ANKRD45: variants seen among roughly 807,000 people sequenced by gnomAD.
ANKRD45 encodes the protein ankyrin repeat domain-containing protein 45.
ANKRD45 carries 21 observed loss-of-function variants against 28.1 expected under a neutral mutation model. The observed-to-expected ratio is 0.75, with a 90% CI of 0.53 to 1.08. The LOEUF (loss-of-function observed/expected upper bound fraction) is 1.08, where lower values mean the gene tolerates loss of function less well. Ranked by LOEUF, ANKRD45 falls within the 50% of genes least tolerant of loss-of-function variation. The pLI is 0.00. For synonymous variants in ANKRD45, 86 were observed against 103.9 expected, an observed-to-expected ratio of 0.83 and a Z score of 1.05; for missense variants, 261 against 308.7, an observed-to-expected ratio of 0.85 and a Z score of 1.16.
chr1:173,611,174 C>T (rs1036548527), intron 5 of ANKRD45, among the ~76,000 whole-genome samples: 1 of 152,172 alleles, frequency 6.6e-6, no homozygotes, highest in Non-Finnish European at 1.5e-5. Context: ...CCCACATTTC[C>T]ACTTTTGATC....
the ANKRD45 span, among the ~76,000 whole-genome samples, chr1:173,693,250 T>C: frequency 1.3e-5 from 2 of 152,084 alleles, no homozygotes; most frequent in African/African-American, 4.8e-5. Flanking sequence ...GCTGAGATCA[T>C]GCCATTGCAC....
intron 5 of ANKRD45, among the ~76,000 whole-genome samples, chr1:173,623,699 G>A (rs949819216): frequency 1.3e-5 from 2 of 151,944 alleles, no homozygotes; most frequent in African/African-American, 4.8e-5. Context: ...GCAAAAACAT[G>A]GAATCAACCC....
upstream of ANKRD45, among the ~76,000 whole-genome samples, chr1:173,671,848 C>T (rs1455327244): frequency 6.6e-6 from 1 of 151,220 alleles, no homozygotes; most frequent in Admixed American, 6.6e-5. Context: ...CACCACTGCC[C>T]TCCAGCATGG....
At chr1:173,703,176 C>T in the ANKRD45 span, among the ~76,000 whole-genome samples, 1 of 151,858 alleles carries the variant, frequency 6.6e-6, no homozygotes, top group Non-Finnish European at 1.5e-5. Context: ...GCTGGGGTTA[C>T]AGGCGCATAC....
chr1:173,681,433 A>T, the ANKRD45 span, among the ~76,000 whole-genome samples: 1 of 152,150 alleles, frequency 6.6e-6, no homozygotes, highest in South Asian at 2.1e-4. Flanking sequence ...TTTCTTGATA[A>T]AGTATTTTAT....
intron 3 of ANKRD45, among the ~76,000 whole-genome samples, chr1:173,645,013 A>G (rs1319982871): frequency 3.3e-5 from 5 of 150,940 alleles, no homozygotes; most frequent in Non-Finnish European, 5.9e-5. Context: ...AAAAAAAATT[A>G]TGGAATGTGA....
intron 1 of ANKRD45, among the ~76,000 whole-genome samples, chr1:173,661,368 A>G (rs966552137): frequency 1.3e-5 from 2 of 152,224 alleles, no homozygotes; most frequent in African/African-American, 4.8e-5. Flanking sequence ...CACCAAAGCA[A>G]AGATCACAGG....
At position 173,609,993 on chromosome 1, in the gene ANKRD45, G is replaced by T; in HGVS notation, c.*152C>A. ...AGGCGAGGCCAGAGTCCGGACATAA[G>T]CATGCTGAACAGGTCAAACAAAACA... On this transcript the variant is annotated 3_prime_UTR_variant, in exon 6 of 6. Transcript: ENST00000333279. The T allele has an allele frequency of 1.3e-6, 1 of 743,884 alleles. No homozygotes were observed. The highest frequency in any genetic ancestry group is 2.2e-6 in the Non-Finnish European group (1 of 450,614). The allele number at this position is 743,884 out of a possible 1,614,324, so 46.1% of individuals were successfully genotyped here. A position where few individuals can be genotyped will look rare whatever the true frequency, so the allele number is the denominator to read the frequency against.
the ANKRD45 span, among the ~76,000 whole-genome samples, chr1:173,696,253 G>A: frequency 9.9e-5 from 15 of 152,150 alleles, no homozygotes; most frequent in South Asian, 4.1e-4. Context: ...GAAAAGAACC[G>A]ACGTGAAATA....
chr1:173,682,623 C>T, the ANKRD45 span, among the ~76,000 whole-genome samples: 1 of 150,206 alleles, frequency 6.7e-6, no homozygotes, highest in Non-Finnish European at 1.5e-5. Flanking sequence ...AGCTTTTGCT[C>T]AAATAAAAAG....
the ANKRD45 span, among the ~76,000 whole-genome samples, chr1:173,690,475 A>G: frequency 6.6e-6 from 1 of 152,100 alleles, no homozygotes; most frequent in Non-Finnish European, 1.5e-5. Flanking sequence ...TTTTTAAGGG[A>G]AAAAGGAGGG....
At chr1:173,697,851 AT>A in the ANKRD45 span, among the ~76,000 whole-genome samples, 3 of 152,340 alleles carry the variant, frequency 2.0e-5, no homozygotes, top group Middle Eastern at 0.01. Context: ...AAATGCCCCA[AT>A]TAAAAGACAC....
At chr1:173,657,910 T>C (rs897542757) in intron 2 of ANKRD45, 1 of 152,148 alleles carries the variant, frequency 6.6e-6, no homozygotes, top group African/African-American at 2.4e-5. Context: ...TTCTAATATA[T>C]GTATTATACT....
At chr1:173,678,100 G>C in the ANKRD45 span, among the ~76,000 whole-genome samples, 1 of 152,052 alleles carries the variant, frequency 6.6e-6, no homozygotes, top group African/African-American at 2.4e-5. Context: ...ACCAAAAAAA[G>C]TCCAGGACAA....
the ANKRD45 span, among the ~76,000 whole-genome samples, chr1:173,679,526 C>T: frequency 6.6e-6 from 1 of 152,188 alleles, no homozygotes; most frequent in Non-Finnish European, 1.5e-5. Flanking sequence ...CCCTTCCTTA[C>T]ACCTTATGCA....
chr1:173,649,425 T>C (rs902686008), intron 2 of ANKRD45, among the ~76,000 whole-genome samples: 18 of 152,206 alleles, frequency 1.2e-4, no homozygotes, highest in African/African-American at 4.1e-4. Context: ...GGTAGCCCAT[T>C]GTTTACATTT....
At chr1:173,707,624 C>T in the ANKRD45 span, among the ~76,000 whole-genome samples, 4 of 152,124 alleles carry the variant, frequency 2.6e-5, no homozygotes, top group Admixed American at 6.5e-5. Context: ...TGAGCCACCA[C>T]GCCCAGGCTC....
intron 3 of ANKRD45, among the ~76,000 whole-genome samples, chr1:173,637,815 G>A (rs575411877): frequency 1.4e-4 from 22 of 152,306 alleles, no homozygotes; most frequent in African/African-American, 4.3e-4. Context: ...CTAAGCACCC[G>A]TTCCCAACAA....
chr1:173,651,780 G>T (rs1249306295), intron 2 of ANKRD45, among the ~76,000 whole-genome samples: 3 of 152,092 alleles, frequency 2.0e-5, no homozygotes, highest in African/African-American at 7.2e-5. Flanking sequence ...TTGAGCAGTG[G>T]TTTGTAGTTC....
Sources: allele counts gnomAD v4.1 joint callset (sites outside exome capture counted in the v4.1 genomes callset), GRCh38; gene constraint gnomAD v4.1.1; transcripts MANE v1.5; gene names NCBI Gene and HGNC (gene_info 2026-07-23, HGNC 2026-07-21).